Variants in PDK3 observed in about 807,000 individuals in gnomAD.
PDK3 encodes pyruvate dehydrogenase kinase 3.
In PDK3, 12 loss-of-function variants were observed where a neutral mutation model predicts 32.0. The ratio of observed to expected loss-of-function variants is 0.37; its 90% CI spans 0.24 to 0.61. PDK3 has a LOEUF of 0.61. Ranked by LOEUF, PDK3 falls within the 20% of genes least tolerant of loss-of-function variation. PDK3 has a pLI of 0.65. For missense variants in PDK3, 188 were observed against 316.9 expected, an observed-to-expected ratio of 0.59 and a Z score of 3.09; for synonymous variants, 122 against 116.3, an observed-to-expected ratio of 1.05 and a Z score of -0.31.
intron 5 of PDK3, among the ~76,000 whole-genome samples, chrX:24,510,432 G>A (rs888372060): frequency 7.1e-5 from 8 of 112,217 alleles, no homozygotes; most frequent in Non-Finnish European, 1.5e-4. Flanking sequence ...AGTGCTCATC[G>A]AAGAAAGTTT....
chrX:24,484,158 C>T (rs1569219474), intron 1 of PDK3, among the ~76,000 whole-genome samples: 1 of 110,497 alleles, frequency 9.1e-6, no homozygotes, highest in Admixed American at 9.6e-5. Flanking sequence ...ACTACAGGCA[C>T]GTGCCACCAT....
chrX:24,527,501 G>A, intron 7 of PDK3, 73 bp from the exon 8 acceptor site: 1 of 625,678 alleles, frequency 1.6e-6, no homozygotes, highest in African/African-American at 2.2e-5. Context: ...AAGTCATCTT[G>A]CGCTTCTTTC....
In PDK3 at chrX:24,472,875, T is replaced by C. The variant is rs191591492; in HGVS notation, c.106+7314T>C. ...GCTAATTTTGTATTTTTAGTAGAGA[T>C]GGGGTTTCTCCATGTTGGTCAGGCT... On this transcript the variant is annotated intron_variant, in intron 1 of 10. Coordinates refer to ENST00000379162, the MANE Select transcript of PDK3 (RefSeq NM_005391.5). 5.5e-3 allele frequency among the ~76,000 whole-genome samples: 584 copies of C among 106,032 alleles called. 7 individuals carry two copies. The highest frequency in any genetic ancestry group is 0.019 in the African/African-American group (557 of 29,253). The allele number at this position is 106,032 out of a possible 115,157, so 92.1% of individuals were successfully genotyped here. A position where few individuals can be genotyped will look rare whatever the true frequency, so the allele number is the denominator to read the frequency against.
chrX:24,509,791 C>CTCTTGG (rs1221628991), intron 5 of PDK3, among the ~76,000 whole-genome samples: 1 of 112,028 alleles, frequency 8.9e-6, no homozygotes, highest in Non-Finnish European at 1.9e-5. Flanking sequence ...ACACTAAATA[C>CTCTTGG]TCTTGGCTTA....
At chrX:24,502,014 G>GT (rs1384986654) in intron 3 of PDK3, among the ~76,000 whole-genome samples, 2 of 111,400 alleles carry the variant, frequency 1.8e-5, no homozygotes, top group East Asian at 5.6e-4. Flanking sequence ...TGGGGTGCTA[G>GT]TTTTTTCCTT....
chrX:24,486,311 C>T (rs1921399037), intron 1 of PDK3, among the ~76,000 whole-genome samples: 1 of 111,468 alleles, frequency 9.0e-6, no homozygotes, highest in South Asian at 3.7e-4. Flanking sequence ...CCAAGCTGCT[C>T]AGATGGGCAG....
chrX:24,478,146 A>G (rs1921156674), intron 1 of PDK3, among the ~76,000 whole-genome samples: 2 of 111,850 alleles, frequency 1.8e-5, no homozygotes, highest in African/African-American at 6.5e-5. Flanking sequence ...TGTACTTGGC[A>G]TTGAAACTGG....
intron 8 of PDK3, 34 bp downstream of exon 8, chrX:24,527,709 T>C (rs1922557904): frequency 1.3e-6 from 1 of 785,858 alleles, no homozygotes; most frequent in Non-Finnish European, 1.9e-6. Flanking sequence ...ACTTTAATTA[T>C]CAGTTGTGAT....
chrX:24,475,719 C>T (rs922183218), intron 1 of PDK3, among the ~76,000 whole-genome samples: 2 of 109,468 alleles, frequency 1.8e-5, no homozygotes, highest in African/African-American at 3.3e-5. Context: ...AGGTAGAAGA[C>T]GGAAGGAGGA....
intron 5 of PDK3, among the ~76,000 whole-genome samples, chrX:24,515,653 A>T (rs186886166): frequency 8.5e-4 from 95 of 112,086 alleles, no homozygotes; most frequent in African/African-American, 2.9e-3. Flanking sequence ...CTAGGTGGAG[A>T]TGTAGCATTG....
chrX:24,488,562 G>A (rs1337649719), intron 1 of PDK3, among the ~76,000 whole-genome samples: 2 of 111,343 alleles, frequency 1.8e-5, no homozygotes, highest in African/African-American at 3.3e-5. Flanking sequence ...GGTGGTGCAT[G>A]CCTGTAATCC....
Position 24,540,641 on chromosome X carries a change from T to TCG in PDK3, c.*1477_*1478insCG, listed in dbSNP as rs777740153. 3.6e-5 allele frequency among the ~76,000 whole-genome samples: 4 copies of TCG among 110,465 alleles called. No individual in the cohort carries two copies. The East Asian group carries it at 1.1e-3, about 31-fold the overall frequency. The stretch of plus-strand genomic sequence containing the variant: ...GAGCTCAGGGTAGTTCCGTTCATCT[T>TCG]TAGAAAGAGCTCATCTCTTCCATCC... On this transcript the variant is annotated 3_prime_UTR_variant, in exon 12 of 12. Transcript: ENST00000568479.
At chrX:24,521,278 CAAAAAAAA>C (rs71930419) in intron 6 of PDK3, among the ~76,000 whole-genome samples, 7 of 42,096 alleles carry the variant, frequency 1.7e-4, no homozygotes, top group African/African-American at 5.8e-4. Flanking sequence ...GACTCTGTCT[CAAAAAAAA>C]AAAAAAAAAA....
exon 12 of PDK3, among the ~76,000 whole-genome samples, chrX:24,545,137 C>T (rs763129120): frequency 8.9e-6 from 1 of 112,094 alleles, no homozygotes; most frequent in East Asian, 2.8e-4. Context: ...CAAACTAGCA[C>T]ATCACCAGAG....
chrX:24,497,914 G>A (rs928975738), intron 2 of PDK3, among the ~76,000 whole-genome samples: 3 of 112,192 alleles, frequency 2.7e-5, no homozygotes, highest in African/African-American at 9.7e-5. Flanking sequence ...TATAGCTGCT[G>A]CACTAATGGG....
At chrX:24,504,281 A>G (rs1043326776) in intron 4 of PDK3, among the ~76,000 whole-genome samples, 2 of 112,433 alleles carry the variant, frequency 1.8e-5, no homozygotes, top group Non-Finnish European at 3.8e-5. Flanking sequence ...TTAAATGTAT[A>G]TCTTCAAAAT....
intron 1 of PDK3, among the ~76,000 whole-genome samples, chrX:24,491,381 A>G (rs191840124): frequency 6.6e-4 from 73 of 111,124 alleles, no homozygotes; most frequent in Non-Finnish European, 1.1e-3. Flanking sequence ...GGAGTTTTGC[A>G]ATAGTGGGGA....
intron 6 of PDK3, among the ~76,000 whole-genome samples, chrX:24,520,417 ACAGG>A (rs752185983): frequency 8.9e-6 from 1 of 112,290 alleles, no homozygotes; most frequent in South Asian, 3.7e-4. Context: ...TTAAAAAAAT[ACAGG>A]CTACAAAAGT....
intron 1 of PDK3, among the ~76,000 whole-genome samples, chrX:24,493,464 C>T (rs949389122): frequency 9.0e-6 from 1 of 111,532 alleles, no homozygotes; most frequent in Non-Finnish European, 1.9e-5. Flanking sequence ...TTGCTGCCTT[C>T]ATGACGTACA....
Sources: gnomAD v4.1 joint callset for allele counts (sites outside exome capture counted in the v4.1 genomes callset) on GRCh38, gnomAD v4.1.1 for gene constraint, MANE v1.5 for transcripts, NCBI Gene and HGNC (gene_info 2026-07-23, HGNC 2026-07-21) for gene names.